Variants in CMPK1 observed in about 807,000 individuals in gnomAD.
CMPK1 encodes UMP-CMP kinase.
A neutral mutation model predicts 25.7 loss-of-function variants in CMPK1; 10 were observed. That is an observed-to-expected ratio of 0.39 (90% confidence interval 0.24 to 0.66). CMPK1 has a LOEUF of 0.66. Ranked by LOEUF, CMPK1 falls within the 30% of genes least tolerant of loss-of-function variation. The pLI is 0.48. For synonymous variants in CMPK1, 106 were observed against 101.5 expected (o/e 1.04, Z -0.27); for missense variants, 199 against 280.5 (o/e 0.71, Z 2.08).
chr1:47,354,599 C>CTT (rs34592236), intron 1 of CMPK1, among the ~76,000 whole-genome samples: 236 of 105,466 alleles, frequency 2.2e-3, no homozygotes, highest in East Asian at 6.0e-3. Context: ...TTGTGACTTG[C>CTT]TTTTTTTTTT....
At chr1:47,375,805 C>T (rs1215255126) in intron 5 of CMPK1, among the ~76,000 whole-genome samples, 2 of 152,300 alleles carry the variant, frequency 1.3e-5, no homozygotes. Flanking sequence ...ATAGCGATCT[C>T]TAAATTGTGG....
At position 47,373,089 on chromosome 1, in the gene CMPK1, T is replaced by C. The variant is rs780000175; in HGVS notation, c.453T>C (p.Phe151=). 2.5e-6 allele frequency: 4 copies of C among 1,608,288 alleles called. No individual in the cohort carries two copies. Among genetic ancestry groups the C allele is most frequent in the Non-Finnish European group, 3.4e-6 (4 of 1,176,920 alleles). ...DGKADVSFVL[F]FDCNNEICIE... is the part of the protein sequence containing the mutation. ...AGGCAGATGTATCTTTCGTTCTCTT[T>C]TTTGACTGTAATAATGAGGTAATGA... is the stretch of plus-strand genomic sequence containing the variant. The change falls in exon 3 of 6, where the codon TTT becomes TTC. Residue 151 remains phenylalanine, a synonymous_variant. Coordinates refer to ENST00000371873, the MANE Select transcript of CMPK1 (RefSeq NM_016308.3).
intron 5 of CMPK1, 40 bp from the exon 6 acceptor site, chr1:47,376,664 T>A (rs757690739): frequency 2.8e-5 from 38 of 1,350,820 alleles, no homozygotes; most frequent in Non-Finnish European, 3.9e-5. Context: ...ATTTTAACAG[T>A]ACCTGCTTTT....
intron 1 of CMPK1, among the ~76,000 whole-genome samples, chr1:47,342,998 T>C (rs1646452805): frequency 6.6e-6 from 1 of 151,370 alleles, no homozygotes; most frequent in Admixed American, 6.6e-5. Context: ...ATTTTTTTTT[T>C]TTTTTTGAAA....
chr1:47,374,276 C>T (rs1570384047), intron 3 of CMPK1, among the ~76,000 whole-genome samples: 2 of 152,124 alleles, frequency 1.3e-5, no homozygotes, highest in Non-Finnish European at 1.5e-5. Context: ...AGGCTGGTCT[C>T]GAACTCCTGA....
intron 1 of CMPK1, among the ~76,000 whole-genome samples, chr1:47,357,519 C>G (rs370483086): frequency 1.4e-5 from 2 of 144,654 alleles, no homozygotes; most frequent in East Asian, 2.0e-4. Context: ...GAGTTTCGCT[C>G]TATTGCCTTG....
rs1213263010 is a variant in CMPK1, at chr1:47,356,986, C to T, written c.172-11483C>T. On this transcript the variant is annotated intron_variant, in intron 1 of 5. Transcript: ENST00000371873. The stretch of plus-strand genomic sequence containing the variant: ...TGCCTTTTTTTTTTTTTTTTTGAGA[C>T]CGAGTCTTGCCCTGTCGCCCAGGCT... 2.2e-4 allele frequency among the ~76,000 whole-genome samples: 24 copies of T among 107,236 alleles called. 1 individual carries two copies. The highest frequency in any genetic ancestry group is 4.3e-4 in the Non-Finnish European group (23 of 53,634). 70.4% of individuals were successfully genotyped at this position (107,236 alleles called of 152,430 possible). A position where few individuals can be genotyped will look rare whatever the true frequency, so the allele number is the denominator to read the frequency against.
At chr1:47,352,392 G>A (rs962182383) in intron 1 of CMPK1, among the ~76,000 whole-genome samples, 9 of 151,912 alleles carry the variant, frequency 5.9e-5, no homozygotes, top group African/African-American at 2.2e-4. Context: ...ATTGCCTATG[G>A]TGCAGAGATT....
chr1:47,340,115 T>A (rs1311258593), intron 1 of CMPK1, among the ~76,000 whole-genome samples: 1 of 140,036 alleles, frequency 7.1e-6, no homozygotes, highest in African/African-American at 2.7e-5. Context: ...GAGCTCTCCC[T>A]CTGTTGCCCA....
At position 47,377,654 on chromosome 1, in the gene CMPK1, C is replaced by G. The variant is rs912927222; in HGVS notation, c.*909C>G. 2 of 152,510 alleles carry G rather than the reference C, an allele frequency of 1.3e-5. No individual in the cohort carries two copies. Among genetic ancestry groups the G allele is most frequent in the Non-Finnish European group, 2.9e-5 (2 of 68,008 alleles). The allele number at this position is 152,510 out of a possible 1,614,324, so 9.4% of individuals were successfully genotyped here. On this transcript the variant is annotated 3_prime_UTR_variant, in exon 6 of 6. Coordinates refer to ENST00000371873, the MANE Select transcript of CMPK1 (RefSeq NM_016308.3). ...AAAGCTTAGGATTAATTAGAAGAAG[C>G]AATCTAGTTAAATTTCCCATTTGTA...
chr1:47,367,905 C>T lies in CMPK1; in HGVS notation c.172-564C>T, dbSNP rs559077674. Among the ~76,000 whole-genome samples the T allele has an allele frequency of 1.1e-3, 165 of 152,162 alleles. 6 individuals carry two copies. In the South Asian group the frequency reaches 0.033, roughly 31 times the overall value. On this transcript the variant is annotated intron_variant, in intron 1 of 5. Coordinates refer to ENST00000371873, the MANE Select transcript of CMPK1 (RefSeq NM_016308.3). ...GCATCAGCCTTACAAGTAGCTAGGA[C>T]TACAGGCATGAATCACCATACCCAG... is the stretch of plus-strand genomic sequence containing the variant.
chr1:47,372,825 T>G (rs1443819138), intron 2 of CMPK1, 130 bp from the exon 3 acceptor site: 2 of 434,040 alleles, frequency 4.6e-6, no homozygotes, highest in African/African-American at 2.3e-5. Flanking sequence ...TTTTTTTTTT[T>G]GCTATGTACC....
chr1:47,355,262 T>A (rs766724059), intron 1 of CMPK1, among the ~76,000 whole-genome samples: 95 of 151,388 alleles, frequency 6.3e-4, no homozygotes, highest in Non-Finnish European at 1.2e-3. Context: ...GCCAGGCTGG[T>A]CTTGAACTCC....
intron 1 of CMPK1, among the ~76,000 whole-genome samples, chr1:47,352,534 G>A (rs1646530164): frequency 6.6e-6 from 1 of 151,336 alleles, no homozygotes; most frequent in African/African-American, 2.4e-5. Context: ...GGGATAGGGG[G>A]TCACAGATTC....
intron 1 of CMPK1, among the ~76,000 whole-genome samples, chr1:47,364,715 AATAT>A (rs1422988249): frequency 1.1e-4 from 17 of 148,480 alleles, no homozygotes; most frequent in Non-Finnish European, 2.5e-4. Flanking sequence ...TAAATTGTAT[AATAT>A]ATAATATATG....
At chr1:47,368,064 C>G (rs1646651556) in intron 1 of CMPK1, among the ~76,000 whole-genome samples, 1 of 152,138 alleles carries the variant, frequency 6.6e-6, no homozygotes, top group South Asian at 2.1e-4. Context: ...ATTCTCCTGC[C>G]TCAGCCTCCT....
chr1:47,333,912 T>G lies in CMPK1; in HGVS notation c.-34T>G. 8.0e-7 allele frequency: 1 copy of G among 1,242,242 alleles called. No individual in the cohort carries two copies. Among genetic ancestry groups the G allele is most frequent in the Non-Finnish European group, 1.0e-6 (1 of 978,372 alleles). 77.0% of individuals were successfully genotyped at this position (1,242,242 alleles called of 1,614,324 possible). A position where few individuals can be genotyped will look rare whatever the true frequency, so the allele number is the denominator to read the frequency against. On this transcript the variant is annotated 5_prime_UTR_variant, in exon 1 of 6. Transcript: ENST00000371873. ...CCGCCCCGCGCCGCGCCGGCCGCTG[T>G]CAGCTCCCTCAGCGTCCGGCCGAGG...
intron 1 of CMPK1, among the ~76,000 whole-genome samples, chr1:47,344,239 A>G (rs1297662776): frequency 6.6e-6 from 1 of 152,152 alleles, no homozygotes; most frequent in African/African-American, 2.4e-5. Flanking sequence ...TGTCAATTTA[A>G]TGAGTCAGGG....
intron 1 of CMPK1, among the ~76,000 whole-genome samples, chr1:47,356,363 A>G (rs1296121408): frequency 6.6e-6 from 1 of 151,958 alleles, no homozygotes; most frequent in African/African-American, 2.4e-5. Context: ...TCATTGTTCT[A>G]TTTGTCTATT....
Sources: allele counts gnomAD v4.1 joint callset (sites outside exome capture counted in the v4.1 genomes callset), GRCh38; gene constraint gnomAD v4.1.1; transcripts MANE v1.5; gene names NCBI Gene and HGNC (gene_info 2026-07-23, HGNC 2026-07-21).